Variants in OXR1 observed in about 807,000 individuals in gnomAD.
The protein encoded by OXR1 is oxidation resistance protein 1.
In OXR1, 41 loss-of-function variants were observed where a neutral mutation model predicts 104.6. That is an observed-to-expected ratio of 0.39 (90% confidence interval 0.31 to 0.51). The LOEUF is 0.51. Among genes scored for constraint, OXR1 ranks in the 20% least tolerant of loss-of-function variants. The pLI is 0.77. For missense variants in OXR1, 955 were observed against 1,031.9 expected (o/e 0.93, Z 1.02); for synonymous variants, 348 against 348.4 (o/e 1.00, Z 0.01).
chr8:106,684,757 A>G (rs1828525496), intron 6 of OXR1, among the ~76,000 whole-genome samples: 1 of 152,148 alleles, frequency 6.6e-6, no homozygotes, highest in African/African-American at 2.4e-5. Flanking sequence ...ATTTTGACAC[A>G]TTGCCTTTTA....
intron 2 of OXR1, among the ~76,000 whole-genome samples, chr8:106,476,189 C>G (rs2129696030): frequency 6.6e-6 from 1 of 151,910 alleles, no homozygotes; most frequent in Middle Eastern, 3.4e-3. Context: ...GATCTAGAGG[C>G]TGAATTAGAG....
At chr8:106,493,348 C>G (rs1449399997) in intron 2 of OXR1, among the ~76,000 whole-genome samples, 1 of 152,038 alleles carries the variant, frequency 6.6e-6, no homozygotes, top group Non-Finnish European at 1.5e-5. Context: ...CTTTGAGTGT[C>G]CTCCTTTTAT....
intron 3 of OXR1, among the ~76,000 whole-genome samples, chr8:106,597,349 G>A (rs938528613): frequency 6.6e-6 from 1 of 152,070 alleles, no homozygotes; most frequent in Non-Finnish European, 1.5e-5. Context: ...GAGAAAGCAG[G>A]CTCCTTCCAG....
At chr8:106,597,621 T>G (rs1819631598) in intron 3 of OXR1, among the ~76,000 whole-genome samples, 1 of 152,198 alleles carries the variant, frequency 6.6e-6, no homozygotes, top group Non-Finnish European at 1.5e-5. Context: ...GCTTGCAAAG[T>G]TCTTCTCACA....
chr8:106,406,989 C>T (rs988217990), intron 2 of OXR1, among the ~76,000 whole-genome samples: 2 of 151,980 alleles, frequency 1.3e-5, no homozygotes, highest in African/African-American at 2.4e-5. Context: ...TCTGGCTGTG[C>T]GAGAGTGGGA....
intron 2 of OXR1, among the ~76,000 whole-genome samples, chr8:106,376,937 T>C (rs1816930864): frequency 6.6e-6 from 1 of 152,226 alleles, no homozygotes; most frequent in Non-Finnish European, 1.5e-5. Context: ...ACATTGGATG[T>C]AAGTCTTCTA....
rs546496183 is a variant in OXR1 at position 106,375,780 on chromosome 8, A to C, written c.23+16144A>C. Reference sequence around the variant, plus strand: ...GAAGAGTTTGGTTAAAAAGAAAAGCAAAGCCCAGTGTTAGAAAAAGAGGTG... The same window carrying C: ...GAAGAGTTTGGTTAAAAAGAAAAGCCAAGCCCAGTGTTAGAAAAAGAGGTG... On this transcript the variant is annotated intron_variant, in intron 2 of 16. Coordinates refer to ENST00000517566, the MANE Select transcript of OXR1 (RefSeq NM_001198533.2). Among the ~76,000 whole-genome samples, 6 of 152,346 alleles carry C rather than the reference A, an allele frequency of 3.9e-5. No individual in the cohort carries two copies. The East Asian group carries it at 1.2e-3, about 29-fold the overall frequency.
At position 106,561,250 on chromosome 8, in the gene OXR1, A is replaced by C. The variant is rs114017122; in HGVS notation, c.220+42111A>C. Among the ~76,000 whole-genome samples, 250 of 152,238 alleles carry C rather than the reference A, an allele frequency of 1.6e-3. 1 individual carries two copies. The highest frequency in any genetic ancestry group is 5.9e-3 in the African/African-American group (245 of 41,548). On this transcript the variant is annotated intron_variant, in intron 3 of 16. Coordinates refer to ENST00000517566, the MANE Select transcript of OXR1 (RefSeq NM_001198533.2). Reference sequence around the variant, plus strand: ...GCTTGAAATTCTTGCTGCCAGCAAAACAGTCTGAAGTCAACCTGGGATGCT... The same window carrying C: ...GCTTGAAATTCTTGCTGCCAGCAAACCAGTCTGAAGTCAACCTGGGATGCT...
intron 2 of OXR1, among the ~76,000 whole-genome samples, chr8:106,387,072 CT>C (rs1454489400): frequency 2.0e-5 from 3 of 151,998 alleles, no homozygotes; most frequent in Non-Finnish European, 4.4e-5. Flanking sequence ...ATGCACTGGC[CT>C]AACTTAAGAA....
In OXR1 at chr8:106,692,733, T is replaced by G; in HGVS notation, c.531T>G (p.Pro177=). ...SEAEFDKTTN[P]DVHPTEATPS... ...CCTTTAAAAAAAAAAAAAAGAATCC[T>G]GATGTCCATCCAACAGAAGCAACTC... The change falls in exon 7 of 17, where the codon CCT becomes CCG. Residue 177 remains proline (P), a synonymous_variant. Transcript: ENST00000517566. 6.9e-7 allele frequency: 1 copy of G among 1,454,966 alleles called. No individual in the cohort carries two copies. The highest frequency in any genetic ancestry group is 9.1e-7 in the Non-Finnish European group (1 of 1,097,452). The allele number at this position is 1,454,966 out of a possible 1,614,324, so 90.1% of individuals were successfully genotyped here.
chr8:106,541,522 C>T lies in OXR1; in HGVS notation c.220+22383C>T, dbSNP rs1056387999. On this transcript the variant is annotated intron_variant, in intron 3 of 16. Coordinates refer to ENST00000517566, the MANE Select transcript of OXR1 (RefSeq NM_001198533.2). ...GAACGATTCATTTAAAACATTGGTG[C>T]TAGCATGTACTGCATGTTTCAAGTA... is the stretch of plus-strand genomic sequence containing the variant. Among the ~76,000 whole-genome samples the T allele has an allele frequency of 3.9e-5, 6 of 152,184 alleles. No individual in the cohort carries two copies. In the East Asian group the frequency reaches 1.2e-3, roughly 29 times the overall value.
intron 10 of OXR1, 75 bp downstream of exon 10, chr8:106,710,865 C>T (rs924832879): frequency 1.2e-5 from 11 of 908,238 alleles, no homozygotes; most frequent in Non-Finnish European, 1.7e-5. Context: ...TGTCAAAATA[C>T]CAATGATAAA....
chr8:106,599,395 G>C (rs1819783406), intron 3 of OXR1, among the ~76,000 whole-genome samples: 1 of 152,174 alleles, frequency 6.6e-6, no homozygotes, highest in African/African-American at 2.4e-5. Context: ...TTCATGATTA[G>C]AGAGACTTCT....
At chr8:106,655,453 A>G (rs1229578935) in intron 3 of OXR1, among the ~76,000 whole-genome samples, 2 of 152,154 alleles carry the variant, frequency 1.3e-5, no homozygotes, top group Non-Finnish European at 2.9e-5. Flanking sequence ...AGAGAGGAAT[A>G]ATAAAGCTGG....
At chr8:106,715,783 C>A (rs1406148388) in intron 11 of OXR1, among the ~76,000 whole-genome samples, 1 of 152,038 alleles carries the variant, frequency 6.6e-6, no homozygotes, top group African/African-American at 2.4e-5. Flanking sequence ...TATTTTGATT[C>A]AAAGGAACTG....
intron 3 of OXR1, among the ~76,000 whole-genome samples, chr8:106,637,744 A>G (rs1823264541): frequency 1.3e-5 from 2 of 150,708 alleles, no homozygotes; most frequent in Admixed American, 1.3e-4. Flanking sequence ...TATACTCTAG[A>G]CACTACATAG....
chr8:106,743,361 G>T (rs890140844), intron 15 of OXR1, among the ~76,000 whole-genome samples: 1 of 152,102 alleles, frequency 6.6e-6, no homozygotes, highest in Non-Finnish European at 1.5e-5. Context: ...TTGCTGTGTC[G>T]CCCAGGCTGG....
chr8:106,402,427 G>T (rs1425344170), intron 2 of OXR1, among the ~76,000 whole-genome samples: 1 of 152,168 alleles, frequency 6.6e-6, no homozygotes, highest in East Asian at 1.9e-4. Flanking sequence ...GATTCTGCCA[G>T]CTGCTGAGTA....
chr8:106,413,148 A>ATTG (rs1183553457), intron 2 of OXR1, among the ~76,000 whole-genome samples: 4 of 144,948 alleles, frequency 2.8e-5, no homozygotes, highest in African/African-American at 1.1e-4. Context: ...GAAAAAAAAA[A>ATTG]TATATATAGC....
Sources: allele counts gnomAD v4.1 joint callset (sites outside exome capture counted in the v4.1 genomes callset), GRCh38; gene constraint gnomAD v4.1.1; transcripts MANE v1.5; gene names NCBI Gene and HGNC (gene_info 2026-07-23, HGNC 2026-07-21).